Variants in TASOR observed in about 807,000 individuals in gnomAD.
TASOR encodes the protein protein TASOR.
Under a neutral mutation model 178.6 loss-of-function variants are expected in TASOR, and 53 were observed. That is an observed-to-expected ratio of 0.30 (90% CI 0.24 to 0.37). The LOEUF is 0.37. Ranked by LOEUF, TASOR falls within the 10% of genes least tolerant of loss-of-function variation. TASOR has a pLI of 1.00. For synonymous variants in TASOR, 713 were observed against 696.2 expected, an observed-to-expected ratio of 1.02 and a Z score of -0.38; for missense variants, 1,815 against 1,971.4, an observed-to-expected ratio of 0.92 and a Z score of 1.50.
intron 2 of TASOR, among the ~76,000 whole-genome samples, chr3:56,672,541 G>C (rs545488177): frequency 2.0e-5 from 3 of 152,100 alleles, no homozygotes; most frequent in Non-Finnish European, 4.4e-5. Context: ...ATACATTCTG[G>C]CTTTTCCTAA....
intron 11 of TASOR, among the ~76,000 whole-genome samples, chr3:56,659,611 C>T (rs2077549765): frequency 1.3e-5 from 2 of 150,700 alleles, no homozygotes; most frequent in Admixed American, 6.6e-5. Context: ...ATAGTTTCTA[C>T]CTCATCTCCC....
At position 56,651,547 on chromosome 3, in the gene TASOR, A is replaced by T. The variant is rs77663619; in HGVS notation, c.1369-2490T>A. On this transcript the variant is annotated intron_variant, in intron 11 of 23. Transcript: ENST00000683822. ...ACCCCAACTCTACAAAAAAAATTTTAAAAGTTGTCATGTGTGGCGTCATAT... is the reference window on the plus strand; with the variant it reads ...ACCCCAACTCTACAAAAAAAATTTTTAAAGTTGTCATGTGTGGCGTCATAT... Among the ~76,000 whole-genome samples the T allele has an allele frequency of 9.4e-3, 1,432 of 152,248 alleles. 30 individuals are homozygous for T. The highest frequency in any genetic ancestry group is 0.032 in the African/African-American group (1,321 of 41,538).
intron 18 of TASOR, among the ~76,000 whole-genome samples, chr3:56,630,366 T>C (rs2076883548): frequency 6.6e-6 from 1 of 152,258 alleles, no homozygotes. Context: ...TTTACTGTAG[T>C]ATTTTTGCTG....
chr3:56,634,502 T>C (rs373938524), intron 17 of TASOR, among the ~76,000 whole-genome samples: 4 of 152,212 alleles, frequency 2.6e-5, no homozygotes, highest in East Asian at 1.9e-4. Context: ...TTCAGACTTG[T>C]TCTCACTTAC....
intron 17 of TASOR, among the ~76,000 whole-genome samples, chr3:56,635,734 C>T (rs2077003371): frequency 6.6e-6 from 1 of 152,072 alleles, no homozygotes; most frequent in Non-Finnish European, 1.5e-5. Context: ...CTCAGTCTTC[C>T]AAGTAGATGG....
At position 56,641,735 on chromosome 3, in the gene TASOR, C is replaced by CAAT. The variant is rs1349667860; in HGVS notation, c.2230_2232dup (p.Ile744dup). The CAAT allele has an allele frequency of 1.2e-6, 2 of 1,613,024 alleles. No homozygotes were observed. The highest frequency in any genetic ancestry group is 1.7e-6 in the Non-Finnish European group (2 of 1,179,256). The stretch of plus-strand genomic sequence containing the variant: ...AAGTCAGCATCATGTCCAAGTGAGC[C>CAAT]AATAGGCTGTGGAGACTCTGAGAAA... On this transcript the variant is annotated inframe_insertion, in exon 15 of 24. Transcript: ENST00000683822.
At chr3:56,670,578 A>T (rs1337959995) in intron 3 of TASOR, among the ~76,000 whole-genome samples, 1 of 152,146 alleles carries the variant, frequency 6.6e-6, no homozygotes, top group African/African-American at 2.4e-5. Context: ...ATATATAACC[A>T]ATTCTTTTCA....
rs1214913050 is a variant in TASOR at position 56,625,230 on chromosome 3, T to G, written c.4140-224A>C. On this transcript the variant is annotated intron_variant, in intron 21 of 23. Coordinates refer to ENST00000683822, the MANE Select transcript of TASOR (RefSeq NM_001365635.2). Reference sequence around the variant, plus strand: ...GAGGCCTCAGGGCCAGCTATACAGCTTAGGCTAAAATCTCAGCTGATTATT... The same window carrying G: ...GAGGCCTCAGGGCCAGCTATACAGCGTAGGCTAAAATCTCAGCTGATTATT... Among the ~76,000 whole-genome samples the G allele has an allele frequency of 2.6e-5, 4 of 152,366 alleles. No individual in the cohort carries two copies. In the South Asian group the frequency reaches 8.3e-4, roughly 32 times the overall value.
At position 56,641,580 on chromosome 3, in the gene TASOR, G is replaced by C. The variant is rs1214366907; in HGVS notation, c.2388C>G (p.Ala796=). The part of the protein sequence containing the change: ...DASLTDTVNK[A]LGLSTDDAYE... ...AGGCATCATCAGTGCTCAATCCTAAGGCTTTGTTGACTGTGTCTGTCAGAG... is the reference window on the plus strand; with the variant it reads ...AGGCATCATCAGTGCTCAATCCTAACGCTTTGTTGACTGTGTCTGTCAGAG... The change falls in exon 15 of 24, where the codon GCC becomes GCG. Residue 796 remains alanine (A), a synonymous_variant. Coordinates refer to ENST00000683822, the MANE Select transcript of TASOR (RefSeq NM_001365635.2). 1 of 1,614,142 alleles carries C rather than the reference G, an allele frequency of 6.2e-7. No homozygotes were observed. The highest frequency in any genetic ancestry group is 8.5e-7 in the Non-Finnish European group (1 of 1,180,026).
intron 6 of TASOR, among the ~76,000 whole-genome samples, chr3:56,666,871 C>CT (rs1466948373): frequency 3.3e-5 from 5 of 152,202 alleles, no homozygotes; most frequent in Non-Finnish European, 7.3e-5. Flanking sequence ...AGCCTTCCCT[C>CT]TTCCCATTAC....
rs973640712 is a variant in TASOR at position 56,675,215 on chromosome 3, C to T, written c.332-1490G>A. On this transcript the variant is annotated intron_variant, in intron 1 of 23. Transcript: ENST00000683822. ...TTGAGATGGAGTTTCGCTCTTGTTG[C>T]CCAGGCTGAAGTGCAGTGGCACGAT... is the stretch of plus-strand genomic sequence containing the variant. Among the ~76,000 whole-genome samples, 6 of 150,860 alleles carry T rather than the reference C, an allele frequency of 4.0e-5. 1 individual carries two copies. Among genetic ancestry groups the T allele is most frequent in the African/African-American group, 4.9e-5 (2 of 40,998 alleles).
Position 56,646,560 on chromosome 3 carries a change from T to C in TASOR, c.2177A>G (p.Lys726Arg). 2 of 1,608,444 alleles carry C rather than the reference T, an allele frequency of 1.2e-6. No homozygotes were observed. Among genetic ancestry groups the C allele is most frequent in the Non-Finnish European group, 1.7e-6 (2 of 1,178,766 alleles). ...DLPENMRKLA[K>R]TSNLSENCHL... Reference sequence around the variant, plus strand: ...GCAATTTTCAGATAAATTACTGGTTTTGGCGAGCTTTCTCATATTTTCAGG... The same window carrying C: ...GCAATTTTCAGATAAATTACTGGTTCTGGCGAGCTTTCTCATATTTTCAGG... Residue 726 changes from lysine (K) to arginine (R), a missense_variant, in exon 14 of 24, where the codon AAA (lysine) becomes AGA (arginine). By Grantham distance (26) the Lys-to-Arg change is conservative (BLOSUM62 2). Around this residue, in one of 5 missense-constraint regions of TASOR, gnomAD observed 655 missense variants for 671.1 expected, o/e 0.98. Transcript: ENST00000683822.
chr3:56,647,456 A>G (rs2077258934), intron 13 of TASOR, among the ~76,000 whole-genome samples: 1 of 152,216 alleles, frequency 6.6e-6, no homozygotes, highest in Non-Finnish European at 1.5e-5. Flanking sequence ...ATGAAAAAGC[A>G]GAACACATTT....
chr3:56,621,140 C>CA lies in TASOR; in HGVS notation c.*1896dup, dbSNP rs2076490183. The CA allele has an allele frequency of 6.7e-6, 1 of 148,940 alleles. No homozygotes were observed. Among genetic ancestry groups the CA allele is most frequent in the Admixed American group, 6.8e-5 (1 of 14,744 alleles). The allele number at this position is 148,940 out of a possible 1,614,324, so 9.2% of individuals were successfully genotyped here. On this transcript the variant is annotated 3_prime_UTR_variant, in exon 24 of 24. Coordinates refer to ENST00000683822, the MANE Select transcript of TASOR (RefSeq NM_001365635.2). ...CACCACTGTACTCCAGCTTGGGCGA[C>CA]AGAGCGAGACTCCATCTCCAAAAAA... is the stretch of plus-strand genomic sequence containing the variant.
intron 1 of TASOR, 118 bp from the exon 2 acceptor site, chr3:56,673,843 T>C (rs536249066): frequency 2.3e-6 from 2 of 857,982 alleles, no homozygotes; most frequent in South Asian, 4.3e-5. Flanking sequence ...ATCAAGGCTA[T>C]CTTACTTTGT....
intron 17 of TASOR, among the ~76,000 whole-genome samples, chr3:56,634,540 G>T (rs980369568): frequency 6.6e-6 from 1 of 152,136 alleles, no homozygotes; most frequent in Non-Finnish European, 1.5e-5. Context: ...TTCCTGTAAT[G>T]TCAGGGACTT....
intron 11 of TASOR, among the ~76,000 whole-genome samples, chr3:56,654,092 C>G (rs1031395505): frequency 1.3e-4 from 20 of 152,052 alleles, no homozygotes; most frequent in African/African-American, 4.6e-4. Context: ...CATGATGAAA[C>G]CCTGTCTCTA....
rs775652125 is a variant in TASOR at position 56,646,531 on chromosome 3, G to C, written c.2206C>G (p.Leu736Val). ...KTSNLSENCH[L>V]YEESPQPIGS... The stretch of plus-strand genomic sequence containing the variant: ...CAATCTGATATTTTACCTTCATACA[G>C]ATGGCAATTTTCAGATAAATTACTG... The change falls in exon 14 of 24, where the codon CTG becomes GTG. Residue 736 changes from leucine (L) to valine (V), a missense_variant. Around this residue, in one of 5 missense-constraint regions of TASOR, gnomAD observed 655 missense variants for 671.1 expected, o/e 0.98. Transcript: ENST00000683822. 1 of 1,601,882 alleles carries C rather than the reference G, an allele frequency of 6.2e-7. No individual in the cohort carries two copies. The highest frequency in any genetic ancestry group is 2.2e-5 in the East Asian group (1 of 44,824).
In TASOR at chr3:56,668,470, T is replaced by G; in HGVS notation, c.824A>C (p.His275Pro). 1 of 1,551,736 alleles carries G rather than the reference T, an allele frequency of 6.4e-7. No individual in the cohort carries two copies. Among genetic ancestry groups the G allele is most frequent in the Non-Finnish European group, 8.7e-7 (1 of 1,146,992 alleles). ...NKSALDPTPK[H>P]ECHVSKNANR... ...GGCATTCTTTGACACGTGACATTCA[T>G]GCTTTGGTGTGGGGTCCAAAGCACT... The change falls in exon 6 of 24, where the codon CAT becomes CCT. Residue 275 changes from histidine (H) to proline (P), a missense_variant. Coordinates refer to ENST00000683822, the MANE Select transcript of TASOR (RefSeq NM_001365635.2).
Sources: gnomAD v4.1 joint callset for allele counts (sites outside exome capture counted in the v4.1 genomes callset) on GRCh38, gnomAD v4.1.1 for gene constraint, gnomAD v4.1.1 regional missense constraint, MANE v1.5 for transcripts, NCBI Gene and HGNC (gene_info 2026-07-23, HGNC 2026-07-21) for gene names.